Variants in ITGB3BP observed in about 807,000 individuals in gnomAD.
The protein encoded by ITGB3BP is integrin subunit beta 3 binding protein.
ITGB3BP carries 27 observed loss-of-function variants against 29.1 expected under a neutral mutation model. The observed-to-expected ratio is 0.93, with a 90% confidence interval of 0.68 to 1.28. The LOEUF is 1.28. ITGB3BP is among the 50% of genes most tolerant of loss of function. The pLI is 0.00. For synonymous variants in ITGB3BP, 61 were observed against 61.4 expected, an observed-to-expected ratio of 0.99 and a Z score of 0.03; for missense variants, 192 against 200.2, an observed-to-expected ratio of 0.96 and a Z score of 0.25.
intron 1 of ITGB3BP, chr1:63,510,141 A>G: frequency 1.6e-6 from 1 of 627,956 alleles, no homozygotes; most frequent in African/African-American, 1.8e-5. Flanking sequence ...AGTGAACGGA[A>G]ATCGTGCCAT....
At chr1:63,516,160 C>T (rs1035898659) in intron 1 of ITGB3BP, among the ~76,000 whole-genome samples, 2 of 151,254 alleles carry the variant, frequency 1.3e-5, no homozygotes, top group African/African-American at 4.9e-5. Context: ...TGGTGGCTCA[C>T]ATCTGTAATC....
chr1:63,524,751 C>A (rs1187202511), upstream of ITGB3BP, among the ~76,000 whole-genome samples: 1 of 152,064 alleles, frequency 6.6e-6, no homozygotes, highest in African/African-American at 2.4e-5. Context: ...GGCTTTTTGC[C>A]ACTTACTGCT....
At chr1:63,464,089 T>TGA (rs1364981849) in intron 4 of ITGB3BP, among the ~76,000 whole-genome samples, 1 of 152,206 alleles carries the variant, frequency 6.6e-6, no homozygotes, top group Non-Finnish European at 1.5e-5. Context: ...AACACTACTC[T>TGA]GAGTATCCTT....
At chr1:63,476,692 G>A (rs1047748248) in intron 4 of ITGB3BP, among the ~76,000 whole-genome samples, 1 of 152,260 alleles carries the variant, frequency 6.6e-6, no homozygotes, top group African/African-American at 2.4e-5. Context: ...AAAACAACAG[G>A]CTTGATTATC....
At chr1:63,503,232 T>C (rs1645984154) in intron 2 of ITGB3BP, among the ~76,000 whole-genome samples, 2 of 152,090 alleles carry the variant, frequency 1.3e-5, no homozygotes, top group Admixed American at 1.3e-4. Context: ...TGATATCTCA[T>C]TGTGGTTTTG....
intron 3 of ITGB3BP, 122 bp downstream of exon 3, chr1:63,489,961 A>C (rs942936862): frequency 2.4e-6 from 2 of 830,804 alleles, no homozygotes; most frequent in Non-Finnish European, 1.9e-6. Context: ...TTAAGGTATT[A>C]AATTATTTGA....
intron 8 of ITGB3BP, among the ~76,000 whole-genome samples, chr1:63,444,174 G>T (rs955417473): frequency 6.6e-6 from 1 of 152,000 alleles, no homozygotes; most frequent in Non-Finnish European, 1.5e-5. Context: ...AGACTCAAAA[G>T]AACACCCCAA....
chr1:63,482,216 T>C (rs1199091033), intron 3 of ITGB3BP, among the ~76,000 whole-genome samples: 2 of 124,266 alleles, frequency 1.6e-5, no homozygotes, highest in Non-Finnish European at 3.1e-5. Flanking sequence ...GAGGTTGCAG[T>C]GAGCCGAGAT....
intron 4 of ITGB3BP, among the ~76,000 whole-genome samples, chr1:63,469,051 A>T (rs1645149602): frequency 6.6e-6 from 1 of 151,030 alleles, no homozygotes; most frequent in South Asian, 2.1e-4. Context: ...CTGTTTCAAA[A>T]AAAAAAAAAA....
intron 4 of ITGB3BP, among the ~76,000 whole-genome samples, chr1:63,469,056 A>C (rs1412999603): frequency 6.6e-6 from 1 of 151,610 alleles, no homozygotes; most frequent in East Asian, 1.9e-4. Context: ...TCAAAAAAAA[A>C]AAAAAGTCTG....
intron 4 of ITGB3BP, among the ~76,000 whole-genome samples, chr1:63,478,035 T>C (rs995788791): frequency 6.6e-6 from 1 of 152,204 alleles, no homozygotes; most frequent in African/African-American, 2.4e-5. Flanking sequence ...TCCTCCCATA[T>C]ACTTTAATCA....
chr1:63,472,746 G>C (rs1645228487), intron 4 of ITGB3BP, among the ~76,000 whole-genome samples: 2 of 151,694 alleles, frequency 1.3e-5, no homozygotes, highest in Admixed American at 6.6e-5. Flanking sequence ...CGAGGCGCCG[G>C]GATTGCAGAC....
intron 7 of ITGB3BP, chr1:63,449,386 T>C (rs1644832184): frequency 6.6e-6 from 1 of 152,296 alleles, no homozygotes; most frequent in Non-Finnish European, 1.5e-5. Context: ...CTGATTTTAT[T>C]TGAAAGAAAA....
intron 3 of ITGB3BP, among the ~76,000 whole-genome samples, chr1:63,487,972 G>C (rs1480082321): frequency 1.3e-5 from 2 of 152,098 alleles, no homozygotes; most frequent in African/African-American, 4.8e-5. Flanking sequence ...GTCTGTCACT[G>C]ACTGAAATGT....
chr1:63,510,377 A>C (rs552460290), intron 1 of ITGB3BP, among the ~76,000 whole-genome samples: 28 of 152,296 alleles, frequency 1.8e-4, no homozygotes, highest in South Asian at 4.1e-4. Flanking sequence ...AAAGTAACTA[A>C]ATGTTTGCTT....
At chr1:63,474,550 A>G (rs1407627846) in intron 4 of ITGB3BP, among the ~76,000 whole-genome samples, 108 of 150,036 alleles carry the variant, frequency 7.2e-4, no homozygotes, top group Non-Finnish European at 1.3e-3. Flanking sequence ...GTTCTGTACT[A>G]AGAAAAATTC....
Position 63,496,086 on chromosome 1 carries a change from C to G in ITGB3BP, c.49-5868G>C, listed in dbSNP as rs138298126. Among the ~76,000 whole-genome samples the G allele has an allele frequency of 1.3e-4, 20 of 149,414 alleles. No homozygotes were observed. The East Asian group carries it at 3.9e-3, about 29-fold the overall frequency. ...AAGCTTACTCCTACTTCATTCTGGGCCACTACAATTTTTTTTTTTTTTTTG... is the reference window on the plus strand; with the variant it reads ...AAGCTTACTCCTACTTCATTCTGGGGCACTACAATTTTTTTTTTTTTTTTG... On this transcript the variant is annotated intron_variant, in intron 2 of 8. Transcript: ENST00000271002.
At chr1:63,444,685 A>T (rs9436671) in intron 8 of ITGB3BP, among the ~76,000 whole-genome samples, 5,426 of 148,016 alleles carry the variant, frequency 0.037, 375 homozygotes, top group African/African-American at 0.13. Flanking sequence ...TACATATAGG[A>T]TTTATAAGGA....
intron 8 of ITGB3BP, 121 bp downstream of exon 8, chr1:63,446,685 A>G: frequency 2.8e-6 from 2 of 715,498 alleles, no homozygotes; most frequent in African/African-American, 1.8e-5. Flanking sequence ...CCAAAGCTAT[A>G]TCCCTATTTT....
Sources: gnomAD v4.1 joint callset for allele counts (sites outside exome capture counted in the v4.1 genomes callset) on GRCh38, gnomAD v4.1.1 for gene constraint, MANE v1.5 for transcripts, NCBI Gene and HGNC (gene_info 2026-07-23, HGNC 2026-07-21) for gene names.